Variants in MOB3B observed in about 807,000 individuals in gnomAD.
MOB3B encodes MOB kinase activator-like 2B.
Under a neutral mutation model 18.7 loss-of-function variants are expected in MOB3B, and 7 were observed. The ratio of observed to expected loss-of-function variants is 0.37; its 90% CI spans 0.21 to 0.70. The LOEUF is 0.70. Ranked by LOEUF, MOB3B falls within the 30% of genes least tolerant of loss-of-function variation. The pLI, the probability that MOB3B is intolerant of heterozygous loss-of-function variation, is 0.52. For synonymous variants in MOB3B, 111 were observed against 99.9 expected (o/e 1.11, Z -0.66); for missense variants, 253 against 281.3 (o/e 0.90, Z 0.72).
At chr9:27,522,420 C>CATATATATATAT (rs66472709) in intron 1 of MOB3B, among the ~76,000 whole-genome samples, 150 of 141,362 alleles carry the variant, frequency 1.1e-3, no homozygotes, top group African/African-American at 3.4e-3. Flanking sequence ...GACATTTTTT[C>CATATATATATAT]ATATATATAT....
intron 3 of MOB3B, among the ~76,000 whole-genome samples, chr9:27,331,863 C>T (rs1167897626): frequency 6.6e-6 from 1 of 152,140 alleles, no homozygotes; most frequent in Non-Finnish European, 1.5e-5. Context: ...CCAAGGTGTT[C>T]AGAGAAGCGT....
chr9:27,443,133 A>C (rs1422818915), intron 2 of MOB3B, among the ~76,000 whole-genome samples: 3 of 152,192 alleles, frequency 2.0e-5, no homozygotes, highest in Non-Finnish European at 4.4e-5. Flanking sequence ...CATTTCTAAT[A>C]AGTTCCCAAG....
At chr9:27,458,376 C>T (rs1337996721) in intron 1 of MOB3B, among the ~76,000 whole-genome samples, 1 of 152,092 alleles carries the variant, frequency 6.6e-6, no homozygotes, top group East Asian at 1.9e-4. Context: ...GTGAATAACA[C>T]CGAATAATCA....
At chr9:27,510,140 G>A (rs897970262) in intron 1 of MOB3B, among the ~76,000 whole-genome samples, 2 of 152,176 alleles carry the variant, frequency 1.3e-5, no homozygotes, top group Non-Finnish European at 2.9e-5. Context: ...TGACTCATTT[G>A]ATGAAAATCA....
At position 27,489,739 on chromosome 9, in the gene MOB3B, A is replaced by ATCTTTTTTTTTTTT. The variant is rs1484294072; in HGVS notation, c.-198-34005_-198-33992dup. Among the ~76,000 whole-genome samples the ATCTTTTTTTTTTTT allele has an allele frequency of 3.0e-4, 3 of 10,066 alleles. No individual in the cohort carries two copies. In the Admixed American group the frequency reaches 4.6e-3, roughly 15 times the overall value. The allele number at this position is 10,066 out of a possible 152,430, so 6.6% of individuals were successfully genotyped here. A position where few individuals can be genotyped will look rare whatever the true frequency, so the allele number is the denominator to read the frequency against. On this transcript the variant is annotated intron_variant, in intron 1 of 3. Transcript: ENST00000262244. The stretch of plus-strand genomic sequence containing the variant: ...AAACATCACACCAGATAAGGAAATA[A>ATCTTTTTTTTTTTT]TCTTTTTTTTTTTTTGGTCCAACAG...
chr9:27,338,570 G>C (rs922103510), intron 3 of MOB3B, among the ~76,000 whole-genome samples: 6 of 152,152 alleles, frequency 3.9e-5, no homozygotes, highest in Non-Finnish European at 8.8e-5. Flanking sequence ...GAGAAAAAAA[G>C]AAAAGAAAAA....
chr9:27,455,775 C>T, intron 1 of MOB3B, 27 bp from the exon 2 acceptor site: 3 of 1,411,958 alleles, frequency 2.1e-6, no homozygotes, highest in Non-Finnish European at 2.8e-6. Flanking sequence ...AAAGGGAACA[C>T]ATGAGTGCCC....
chr9:27,388,344 T>G (rs1821675013), intron 2 of MOB3B, among the ~76,000 whole-genome samples: 1 of 152,234 alleles, frequency 6.6e-6, no homozygotes, highest in South Asian at 2.1e-4. Context: ...GCTGAGGAGC[T>G]GGCTTGGTCC....
intron 1 of MOB3B, among the ~76,000 whole-genome samples, chr9:27,505,413 G>C (rs1376545321): frequency 6.6e-6 from 1 of 152,122 alleles, no homozygotes; most frequent in Non-Finnish European, 1.5e-5. Flanking sequence ...CCACTTTCCC[G>C]TGAATGTGGG....
intron 2 of MOB3B, among the ~76,000 whole-genome samples, chr9:27,422,354 G>A (rs533564414): frequency 1.5e-4 from 23 of 152,222 alleles, no homozygotes; most frequent in Admixed American, 1.3e-3. Flanking sequence ...CAACTTCAAC[G>A]CTTTATTTTT....
chr9:27,478,216 T>A (rs1346966870), intron 1 of MOB3B, among the ~76,000 whole-genome samples: 1 of 152,304 alleles, frequency 6.6e-6, no homozygotes, highest in African/African-American at 2.4e-5. Context: ...GTAGAAATAT[T>A]TTCATAACTC....
chr9:27,527,365 C>T (rs545031334), intron 1 of MOB3B, among the ~76,000 whole-genome samples: 58 of 151,980 alleles, frequency 3.8e-4, no homozygotes, highest in African/African-American at 1.3e-3. Context: ...AAAGATGTTG[C>T]TTTTTTTTCT....
chr9:27,387,798 A>G (rs1199469023), intron 2 of MOB3B, among the ~76,000 whole-genome samples: 1 of 152,184 alleles, frequency 6.6e-6, no homozygotes, highest in Non-Finnish European at 1.5e-5. Context: ...AAAGACAGAA[A>G]GTACAGGCTC....
chr9:27,384,432 T>C (rs1438339372), intron 2 of MOB3B, among the ~76,000 whole-genome samples: 1 of 152,150 alleles, frequency 6.6e-6, no homozygotes, highest in South Asian at 2.1e-4. Context: ...CAGAGCTCAG[T>C]AATTCAAACA....
intron 1 of MOB3B, among the ~76,000 whole-genome samples, chr9:27,481,516 T>TTG (rs1563879357): frequency 7.3e-6 from 1 of 136,898 alleles, no homozygotes; most frequent in East Asian, 2.1e-4. Context: ...TTTTTGTTTT[T>TTG]TTTGTTTTTT....
intron 1 of MOB3B, chr9:27,524,284 C>G: frequency 6.5e-7 from 1 of 1,537,524 alleles, no homozygotes; most frequent in Admixed American, 2.0e-5. Context: ...AAGGAAAACT[C>G]AAAACATCAT....
In MOB3B at chr9:27,423,578, T is replaced by C. The variant is rs1267721184; in HGVS notation, c.418+31555A>G. ...GGGAAAAAAAATCAATAAAGTTGGA[T>C]TTATGGTTATCTGATTTCTGCTAAT... On this transcript the variant is annotated intron_variant, in intron 2 of 3. Coordinates refer to ENST00000262244, the MANE Select transcript of MOB3B (RefSeq NM_024761.5). Among the ~76,000 whole-genome samples the C allele has an allele frequency of 2.6e-5, 4 of 152,092 alleles. 1 individual carries two copies.
chr9:27,353,208 G>A (rs920182226), intron 3 of MOB3B, among the ~76,000 whole-genome samples: 3 of 152,174 alleles, frequency 2.0e-5, no homozygotes, highest in Non-Finnish European at 2.9e-5. Flanking sequence ...GATATCATCT[G>A]GGAGCAAAAT....
chr9:27,353,545 G>T (rs1821139322), intron 3 of MOB3B, among the ~76,000 whole-genome samples: 1 of 152,168 alleles, frequency 6.6e-6, no homozygotes, highest in Non-Finnish European at 1.5e-5. Context: ...CAAGGTAGGT[G>T]GTGGTATAAT....
Sources: allele counts gnomAD v4.1 joint callset (sites outside exome capture counted in the v4.1 genomes callset), GRCh38; gene constraint gnomAD v4.1.1; transcripts MANE v1.5; gene names NCBI Gene and HGNC (gene_info 2026-07-23, HGNC 2026-07-21).